Variants in NEO1 observed in about 807,000 individuals in gnomAD.
NEO1 encodes neogenin.
A neutral mutation model predicts 159.7 loss-of-function variants in NEO1; 63 were observed. That is an observed-to-expected ratio of 0.39 (90% CI 0.32 to 0.49). The LOEUF (loss-of-function observed/expected upper bound fraction) is 0.49, where lower values mean the gene tolerates loss of function less well. Among genes scored for constraint, NEO1 ranks in the 20% least tolerant of loss-of-function variants. NEO1 has a pLI of 0.85. For missense variants in NEO1, 1,615 were observed against 1,831.0 expected, an observed-to-expected ratio of 0.88 and a Z score of 2.15; for synonymous variants, 633 against 662.0, an observed-to-expected ratio of 0.96 and a Z score of 0.67.
At chr15:73,260,067 CTTTTT>C (rs11327718) in intron 14 of NEO1, among the ~76,000 whole-genome samples, 199 bp from the exon 15 acceptor site, 2 of 136,366 alleles carry the variant, frequency 1.5e-5, no homozygotes, top group Non-Finnish European at 1.6e-5. Flanking sequence ...CTGTTCAGGT[CTTTTT>C]TTTTTTTTTT....
chr15:73,126,821 G>A (rs1056934716), intron 4 of NEO1, among the ~76,000 whole-genome samples: 8 of 152,166 alleles, frequency 5.3e-5, no homozygotes, highest in African/African-American at 9.7e-5. Flanking sequence ...CTCAGCTTAA[G>A]TCTTCAGGAT....
intron 1 of NEO1, among the ~76,000 whole-genome samples, chr15:73,061,679 T>A (rs1271986612): frequency 6.6e-6 from 1 of 152,200 alleles, no homozygotes; most frequent in African/African-American, 2.4e-5. Context: ...TAAAATAAAA[T>A]GTGAAATCAT....
intron 22 of NEO1, among the ~76,000 whole-genome samples, chr15:73,279,350 GGT>G (rs1567679102): frequency 5.2e-5 from 3 of 58,138 alleles, no homozygotes; most frequent in Admixed American, 5.3e-4. Context: ...TTTTGGTTTT[GGT>G]TTTTTTTTTT....
At chr15:73,291,989 C>A (rs2042180756) in intron 25 of NEO1, among the ~76,000 whole-genome samples, 1 of 152,096 alleles carries the variant, frequency 6.6e-6, no homozygotes, top group African/African-American at 2.4e-5. Flanking sequence ...TGCTGACTCC[C>A]CAGTTACCTC....
intron 4 of NEO1, among the ~76,000 whole-genome samples, chr15:73,132,752 A>T (rs767710647): frequency 3.9e-5 from 6 of 152,216 alleles, no homozygotes; most frequent in Non-Finnish European, 5.9e-5. Context: ...TCAAAAGAAG[A>T]TATACAAATG....
At chr15:73,234,720 A>G (rs1232794348) in intron 7 of NEO1, among the ~76,000 whole-genome samples, 1 of 152,210 alleles carries the variant, frequency 6.6e-6, no homozygotes, top group Non-Finnish European at 1.5e-5. Flanking sequence ...TCTTAAAAGC[A>G]CTACCAAGGG....
At position 73,068,231 on chromosome 15, in the gene NEO1, C is replaced by CCCCCCCCG. The variant is rs55919404; in HGVS notation, c.130+15428_130+15429insCCCCCGCC. On this transcript the variant is annotated intron_variant, in intron 1 of 28. Transcript: ENST00000261908. Reference sequence around the variant, plus strand: ...TTTGTTTTTGTCCCCCTACCCCCCCCCCTTTTTTTTTGAGACAGTGTCTCA... The same window carrying CCCCCCCCG: ...TTTGTTTTTGTCCCCCTACCCCCCCCCCCCCCCGCCTTTTTTTTTGAGACAGTGTCTCA... Among the ~76,000 whole-genome samples the CCCCCCCCG allele has an allele frequency of 2.8e-3, 341 of 120,438 alleles. 2 individuals carry two copies. Among genetic ancestry groups the CCCCCCCCG allele is most frequent in the East Asian group, 4.2e-3 (15 of 3,604 alleles). 79.0% of individuals were successfully genotyped at this position (120,438 alleles called of 152,430 possible). A position where few individuals can be genotyped will look rare whatever the true frequency, so the allele number is the denominator to read the frequency against.
chr15:73,215,344 C>T (rs534379968), intron 7 of NEO1, among the ~76,000 whole-genome samples: 1 of 152,228 alleles, frequency 6.6e-6, no homozygotes, highest in Admixed American at 6.5e-5. Context: ...AGTGGGCATT[C>T]TTGTCGTGTT....
At chr15:73,096,267 C>T (rs1160124842) in intron 1 of NEO1, among the ~76,000 whole-genome samples, 1 of 152,170 alleles carries the variant, frequency 6.6e-6, no homozygotes, top group Non-Finnish European at 1.5e-5. Context: ...GTTGAGCAAA[C>T]TTTTCACTCG....
intron 3 of NEO1, among the ~76,000 whole-genome samples, chr15:73,123,534 C>T (rs1286471707): frequency 6.6e-6 from 1 of 152,138 alleles, no homozygotes; most frequent in Non-Finnish European, 1.5e-5. Flanking sequence ...GATCTTTATA[C>T]TCCCCATTTT....
intron 7 of NEO1, among the ~76,000 whole-genome samples, chr15:73,209,750 G>C (rs758281533): frequency 3.9e-5 from 6 of 152,138 alleles, no homozygotes; most frequent in Non-Finnish European, 5.9e-5. Flanking sequence ...CCAGCACTTT[G>C]GGAGGCCGAG....
Position 73,189,903 on chromosome 15 carries a change from T to A in NEO1, c.1291+11476T>A, listed in dbSNP as rs148917836. On this transcript the variant is annotated intron_variant, in intron 7 of 28. Transcript: ENST00000261908. Reference sequence around the variant, plus strand: ...AATCAAAACATTTAAAATACAACTTTTAATATTTAACTTCACTTTTATGCA... The same window carrying A: ...AATCAAAACATTTAAAATACAACTTATAATATTTAACTTCACTTTTATGCA... 2.4e-3 allele frequency among the ~76,000 whole-genome samples: 366 copies of A among 152,336 alleles called. 4 individuals carry two copies. The highest frequency in any genetic ancestry group is 8.4e-3 in the African/African-American group (348 of 41,570).
At chr15:73,186,385 C>A (rs1023487042) in intron 7 of NEO1, among the ~76,000 whole-genome samples, 1 of 151,600 alleles carries the variant, frequency 6.6e-6, no homozygotes, top group Non-Finnish European at 1.5e-5. Context: ...AAATATCTTT[C>A]AAAAATTAAA....
chr15:73,052,341 C>T (rs1395742005), upstream of NEO1: 6 of 146,894 alleles, frequency 4.1e-5, no homozygotes, highest in Non-Finnish European at 7.6e-5. Context: ...GTCTCCGCCC[C>T]CCTCGCGCTG....
intron 1 of NEO1, among the ~76,000 whole-genome samples, chr15:73,068,064 A>G (rs1313677284): frequency 6.6e-6 from 1 of 152,156 alleles, no homozygotes; most frequent in East Asian, 1.9e-4. Context: ...CTACATTCCT[A>G]TATCATTAGT....
chr15:73,267,638 G>A (rs932989821), intron 16 of NEO1, among the ~76,000 whole-genome samples: 22 of 149,804 alleles, frequency 1.5e-4, no homozygotes, highest in African/African-American at 5.4e-4. Context: ...AACATGCGGT[G>A]TTTGGTTTTT....
intron 1 of NEO1, among the ~76,000 whole-genome samples, chr15:73,115,696 A>G (rs2071271738): frequency 1.3e-5 from 2 of 152,186 alleles, no homozygotes; most frequent in Non-Finnish European, 2.9e-5. Context: ...TCTTGAAGAA[A>G]AGTGATAAAG....
chr15:73,266,065 A>C (rs2040874807), intron 15 of NEO1, among the ~76,000 whole-genome samples: 1 of 152,216 alleles, frequency 6.6e-6, no homozygotes, highest in African/African-American at 2.4e-5. Context: ...CATAGGAGAG[A>C]CCAAGAGAGA....
At chr15:73,084,147 A>T (rs1386941890) in intron 1 of NEO1, among the ~76,000 whole-genome samples, 1 of 152,084 alleles carries the variant, frequency 6.6e-6, no homozygotes, top group Non-Finnish European at 1.5e-5. Flanking sequence ...TCTACCCTAG[A>T]ACTTAAAGTA....
Sources: allele counts gnomAD v4.1 joint callset (sites outside exome capture counted in the v4.1 genomes callset), GRCh38; gene constraint gnomAD v4.1.1; transcripts MANE v1.5; gene names NCBI Gene and HGNC (gene_info 2026-07-23, HGNC 2026-07-21).